TRAPPC10: variants seen among roughly 807,000 people sequenced by gnomAD.
TRAPPC10 encodes the protein trafficking protein particle complex subunit 10, also known as TRAPP 130 kDa subunit.
TRAPPC10 carries 23 observed loss-of-function variants against 125.5 expected under a neutral mutation model. The observed-to-expected ratio is 0.18, with a 90% CI of 0.13 to 0.26. TRAPPC10 has a LOEUF of 0.26. Among genes scored for constraint, TRAPPC10 ranks in the 10% least tolerant of loss-of-function variants. TRAPPC10 has a pLI of 1.00. For missense variants in TRAPPC10, 1,123 were observed against 1,308.4 expected (o/e 0.86, Z 2.19); for synonymous variants, 509 against 518.0 (o/e 0.98, Z 0.24).
At chr21:44,058,756 G>T (rs1448296115) in intron 5 of TRAPPC10, among the ~76,000 whole-genome samples, 2 of 152,210 alleles carry the variant, frequency 1.3e-5, no homozygotes, top group African/African-American at 4.8e-5. Flanking sequence ...CTCGGGGAGC[G>T]AGAGGAACCA....
At chr21:44,012,678 C>T in intron 1 of TRAPPC10, 118 bp downstream of exon 1, 1 of 887,312 alleles carries the variant, frequency 1.1e-6, no homozygotes, top group Admixed American at 2.7e-5. Context: ...GGGCCGCTTC[C>T]TGGAGGTGTG....
At chr21:44,043,495 AGCCACCGT>A (rs2034562840) in intron 3 of TRAPPC10, among the ~76,000 whole-genome samples, 1 of 152,158 alleles carries the variant, frequency 6.6e-6, no homozygotes, top group Non-Finnish European at 1.5e-5. Context: ...TGCAAGCGTG[AGCCACCGT>A]GCCTGGCCTA....
At chr21:44,058,570 C>G (rs1343692347) in intron 5 of TRAPPC10, among the ~76,000 whole-genome samples, 1 of 152,160 alleles carries the variant, frequency 6.6e-6, no homozygotes, top group East Asian at 1.9e-4. Context: ...CCTGAGCTGT[C>G]TGTTAGGCAT....
Position 44,064,706 on chromosome 21 carries a change from T to G in TRAPPC10, c.1038+921T>G, listed in dbSNP as rs2036311584. Among the ~76,000 whole-genome samples the G allele has an allele frequency of 3.3e-5, 5 of 152,190 alleles. No individual in the cohort carries two copies. In the South Asian group the frequency reaches 1.0e-3, roughly 32 times the overall value. On this transcript the variant is annotated intron_variant, in intron 7 of 22. Transcript: ENST00000291574. ...TTCATAATATAGGAACTTATTTTTG[T>G]GTGCTTGGTTTAAAATAATTTTAAG...
chr21:44,056,329 C>T (rs1032655984), intron 5 of TRAPPC10, among the ~76,000 whole-genome samples: 5 of 152,094 alleles, frequency 3.3e-5, no homozygotes, highest in Admixed American at 3.3e-4. Flanking sequence ...GCCAGTGCTC[C>T]AGCAAGAACT....
intron 11 of TRAPPC10, 81 bp from the exon 12 acceptor site, chr21:44,079,483 G>A (rs1289968351): frequency 6.7e-7 from 1 of 1,496,856 alleles, no homozygotes; most frequent in Non-Finnish European, 8.9e-7. Context: ...GGAGGATGGA[G>A]GCCAAAGCGG....
chr21:44,079,359 G>C (rs749701968), intron 11 of TRAPPC10: 10 of 529,904 alleles, frequency 1.9e-5, no homozygotes, highest in Middle Eastern at 4.7e-4. Flanking sequence ...TCATTTCTCA[G>C]ATCTTTGCCT....
At chr21:44,056,180 G>A (rs977319577) in intron 5 of TRAPPC10, among the ~76,000 whole-genome samples, 1 of 152,084 alleles carries the variant, frequency 6.6e-6, no homozygotes, top group Non-Finnish European at 1.5e-5. Context: ...TTAACCCATG[G>A]AATAAAATTA....
rs34659269 is a variant in TRAPPC10, at chr21:44,078,440, TAA to T, written c.1469+674_1469+675del. On this transcript the variant is annotated intron_variant, in intron 11 of 22. Transcript: ENST00000291574. ...GAAAAAGATGCTTGTTTTCATTTTC[TAA>T]AAAAAAAAAAAAAAAAAGTGATTGA... Among the ~76,000 whole-genome samples the T allele has an allele frequency of 5.0e-3, 624 of 126,004 alleles. 2 individuals are homozygous for T. The highest frequency in any genetic ancestry group is 0.015 in the African/African-American group (547 of 35,420). The allele number at this position is 126,004 out of a possible 152,430, so 82.7% of individuals were successfully genotyped here.
At chr21:44,028,946 C>T (rs1184353740) in intron 1 of TRAPPC10, among the ~76,000 whole-genome samples, 2 of 152,182 alleles carry the variant, frequency 1.3e-5, no homozygotes, top group East Asian at 1.9e-4. Context: ...CAGTTCAGCC[C>T]GCAGAGCTCT....
chr21:44,074,415 A>G lies in TRAPPC10; in HGVS notation c.1130A>G (p.Gln377Arg), dbSNP rs770505686. 5 of 1,614,122 alleles carry G rather than the reference A, an allele frequency of 3.1e-6. No individual in the cohort carries two copies. The highest frequency in any genetic ancestry group is 1.3e-5 in the African/African-American group (1 of 74,930). ...QRIEGCCDRA[Q>R]IDSNIAHTVG... ...ATAGAAGGCTGCTGTGACCGGGCACAGATCGACTCAAACATTGCCCACACT... is the reference window on the plus strand; with the variant it reads ...ATAGAAGGCTGCTGTGACCGGGCACGGATCGACTCAAACATTGCCCACACT... The change falls in exon 8 of 23, where the codon CAG becomes CGG. Residue 377 changes from glutamine (Q) to arginine (R), a missense_variant. Physicochemically the swap from Gln to Arg is conservative, Grantham distance 43. Around this residue, in one of 4 missense-constraint regions of TRAPPC10, gnomAD observed 840 missense variants for 902.0 expected, o/e 0.93. Transcript: ENST00000291574.
chr21:44,074,723 G>A (rs148031004), intron 8 of TRAPPC10, among the ~76,000 whole-genome samples: 3 of 152,314 alleles, frequency 2.0e-5, no homozygotes, highest in East Asian at 1.9e-4. Flanking sequence ...CGGGGGACAC[G>A]AGGGTGGTGC....
intron 15 of TRAPPC10, among the ~76,000 whole-genome samples, 174 bp from the exon 16 acceptor site, chr21:44,086,628 A>G (rs1443002310): frequency 6.6e-6 from 1 of 152,144 alleles, no homozygotes; most frequent in South Asian, 2.1e-4. Flanking sequence ...AGTCCACATC[A>G]TTGAGATGAA....
At chr21:44,042,823 C>G (rs1314471353) in intron 3 of TRAPPC10, among the ~76,000 whole-genome samples, 1 of 152,130 alleles carries the variant, frequency 6.6e-6, no homozygotes, top group African/African-American at 2.4e-5. Flanking sequence ...GTGTTTACAA[C>G]TTACAGTTTT....
At chr21:44,071,463 C>T (rs1306054792) in intron 7 of TRAPPC10, among the ~76,000 whole-genome samples, 3 of 152,176 alleles carry the variant, frequency 2.0e-5, no homozygotes, top group Non-Finnish European at 4.4e-5. Context: ...AGATGTCTTA[C>T]TGTGGAAGGT....
At chr21:44,042,523 T>G (rs2034494722) in intron 3 of TRAPPC10, among the ~76,000 whole-genome samples, 1 of 152,232 alleles carries the variant, frequency 6.6e-6, no homozygotes, top group Non-Finnish European at 1.5e-5. Flanking sequence ...TTTTTAAAAT[T>G]TTATGAATTT....
At chr21:44,069,320 C>T (rs1257607462) in intron 7 of TRAPPC10, among the ~76,000 whole-genome samples, 1 of 152,160 alleles carries the variant, frequency 6.6e-6, no homozygotes, top group Non-Finnish European at 1.5e-5. Context: ...GAAGAACTCA[C>T]ATACATCAAT....
chr21:44,053,493 T>A (rs571526961), intron 4 of TRAPPC10, among the ~76,000 whole-genome samples: 2 of 152,370 alleles, frequency 1.3e-5, no homozygotes, highest in Admixed American at 1.3e-4. Flanking sequence ...GCTGCTGGGC[T>A]TAGGTTATTG....
chr21:44,095,061 T>C (rs1261372226), intron 20 of TRAPPC10, among the ~76,000 whole-genome samples: 1 of 149,424 alleles, frequency 6.7e-6, no homozygotes, highest in Non-Finnish European at 1.5e-5. Context: ...ACAAATTATT[T>C]ATTTATGAGA....
Sources: gnomAD v4.1 joint callset for allele counts (sites outside exome capture counted in the v4.1 genomes callset) on GRCh38, gnomAD v4.1.1 for gene constraint, gnomAD v4.1.1 regional missense constraint, MANE v1.5 for transcripts, NCBI Gene and HGNC (gene_info 2026-07-23, HGNC 2026-07-21) for gene names.